Variants in FCHO2 observed in about 807,000 individuals in gnomAD.
FCHO2 encodes the protein F-BAR domain only protein 2.
FCHO2 carries 43 observed loss-of-function variants against 114.1 expected under a neutral mutation model. That is an observed-to-expected ratio of 0.38 (90% CI 0.30 to 0.49). The LOEUF (loss-of-function observed/expected upper bound fraction) is 0.49. FCHO2 is among the 20% of genes least tolerant of loss of function. The pLI is 0.97. For missense variants in FCHO2, 807 were observed against 950.4 expected, an observed-to-expected ratio of 0.85 and a Z score of 1.98; for synonymous variants, 293 against 315.2, an observed-to-expected ratio of 0.93 and a Z score of 0.75.
chr5:72,986,435 C>G (rs1753525592), intron 2 of FCHO2, among the ~76,000 whole-genome samples: 1 of 152,154 alleles, frequency 6.6e-6, no homozygotes, highest in African/African-American at 2.4e-5. Flanking sequence ...CTCTGTTTCA[C>G]TTCTCAACTG....
chr5:73,075,226 G>C (rs1276154841), intron 20 of FCHO2, among the ~76,000 whole-genome samples: 2 of 152,158 alleles, frequency 1.3e-5, no homozygotes, highest in Non-Finnish European at 2.9e-5. Context: ...CAGGGTTAGA[G>C]GCTAGAGAAT....
At chr5:73,051,716 G>A (rs577972212) in intron 12 of FCHO2, among the ~76,000 whole-genome samples, 36 of 151,646 alleles carry the variant, frequency 2.4e-4, no homozygotes, top group Non-Finnish European at 4.3e-4. Flanking sequence ...ACAGGCATGC[G>A]CACCATGCCT....
chr5:73,042,696 G>A (rs548996087), intron 11 of FCHO2, among the ~76,000 whole-genome samples: 2 of 152,260 alleles, frequency 1.3e-5, no homozygotes, highest in African/African-American at 2.4e-5. Flanking sequence ...TTTGCAAGAC[G>A]TGACAGGGGT....
chr5:73,060,363 T>C (rs1371459926), intron 17 of FCHO2, among the ~76,000 whole-genome samples: 1 of 152,108 alleles, frequency 6.6e-6, no homozygotes, highest in African/African-American at 2.4e-5. Flanking sequence ...TATCTTGTTA[T>C]ATAGTAGTTA....
At chr5:72,987,648 G>A (rs757892155) in intron 2 of FCHO2, among the ~76,000 whole-genome samples, 22 of 152,054 alleles carry the variant, frequency 1.4e-4, no homozygotes, top group Non-Finnish European at 2.8e-4. Context: ...GATTAGGGAT[G>A]TTTAATCTGT....
chr5:73,009,094 A>G (rs775864139), intron 6 of FCHO2, among the ~76,000 whole-genome samples: 3 of 152,232 alleles, frequency 2.0e-5, no homozygotes, highest in Non-Finnish European at 4.4e-5. Context: ...GAAAGAAGAA[A>G]ACTGGAAGTG....
intron 15 of FCHO2, chr5:73,055,111 T>C: frequency 2.7e-6 from 1 of 372,114 alleles, no homozygotes; most frequent in Non-Finnish European, 5.5e-6. Flanking sequence ...TTAAAAATTC[T>C]AACAGAGTTT....
At chr5:73,008,836 A>G (rs1489216233) in intron 6 of FCHO2, among the ~76,000 whole-genome samples, 1 of 152,242 alleles carries the variant, frequency 6.6e-6, no homozygotes, top group African/African-American at 2.4e-5. Context: ...TGGTAGTATT[A>G]TGAATGAGGT....
chr5:73,064,488 G>C (rs1335655897), intron 18 of FCHO2, among the ~76,000 whole-genome samples: 1 of 151,984 alleles, frequency 6.6e-6, no homozygotes, highest in Admixed American at 6.6e-5. Context: ...CAGTCTATTT[G>C]CCTTTGATCT....
intron 24 of FCHO2, among the ~76,000 whole-genome samples, chr5:73,083,841 T>C (rs970761906): frequency 1.4e-5 from 2 of 143,580 alleles, no homozygotes; most frequent in African/African-American, 5.2e-5. Flanking sequence ...TGCAGTGAGC[T>C]GAGATGGTGC....
chr5:73,002,764 G>T (rs1374058120), intron 5 of FCHO2, among the ~76,000 whole-genome samples: 1 of 152,152 alleles, frequency 6.6e-6, no homozygotes, highest in African/African-American at 2.4e-5. Context: ...CTAAATACAT[G>T]TTATTGTTTC....
At chr5:73,060,431 C>T (rs377719509) in intron 17 of FCHO2, among the ~76,000 whole-genome samples, 3 of 151,942 alleles carry the variant, frequency 2.0e-5, no homozygotes, top group African/African-American at 4.8e-5. Context: ...TTCATAATTG[C>T]GATTCTCCTG....
chr5:73,017,114 T>C, intron 7 of FCHO2, 98 bp from the exon 8 acceptor site: 1 of 711,860 alleles, frequency 1.4e-6, no homozygotes, highest in Non-Finnish European at 2.2e-6. Context: ...AAAATACATA[T>C]TTTGATATAA....
chr5:73,061,866 G>C lies in FCHO2; in HGVS notation c.1346-1975G>C, dbSNP rs187667243. Among the ~76,000 whole-genome samples the C allele has an allele frequency of 5.0e-4, 76 of 152,150 alleles. 1 individual carries two copies. The East Asian group carries it at 0.014, about 28-fold the overall frequency. On this transcript the variant is annotated intron_variant, in intron 17 of 25. Transcript: ENST00000430046. The stretch of plus-strand genomic sequence containing the variant: ...TCACAGTGACCTTTGCCTAATATTA[G>C]ATGTTTTGAAAATGTACCTGCAGAA...
intron 1 of FCHO2, among the ~76,000 whole-genome samples, chr5:72,965,439 A>C (rs1186862265): frequency 6.6e-6 from 1 of 152,254 alleles, no homozygotes; most frequent in African/African-American, 2.4e-5. Flanking sequence ...TGCAGTTGGA[A>C]AAAAGATACT....
chr5:72,977,604 C>T (rs572078419), intron 2 of FCHO2, among the ~76,000 whole-genome samples: 1 of 152,300 alleles, frequency 6.6e-6, no homozygotes, highest in East Asian at 1.9e-4. Context: ...TTTTGCTGTG[C>T]AGAAGCTCTT....
intron 25 of FCHO2, 29 bp downstream of exon 25, chr5:73,087,782 T>G (rs369148205): frequency 6.5e-7 from 1 of 1,537,906 alleles, no homozygotes; most frequent in Non-Finnish European, 8.7e-7. Flanking sequence ...AACTTTTTAA[T>G]GTACATGGGA....
rs377710416 is a variant in FCHO2 at position 73,049,304 on chromosome 5, A to C, written c.940-2045A>C. On this transcript the variant is annotated intron_variant, in intron 11 of 25. Transcript: ENST00000430046. ...GCTTCACCACACCACACCCCAAGAT[A>C]CACGTAGCCTTAACCTTTTATTTCT... Among the ~76,000 whole-genome samples the C allele has an allele frequency of 5.3e-5, 8 of 152,334 alleles. No homozygotes were observed. In the South Asian group the frequency reaches 1.7e-3, roughly 32 times the overall value.
intron 2 of FCHO2, among the ~76,000 whole-genome samples, chr5:72,971,834 G>T (rs1161709783): frequency 6.6e-6 from 1 of 152,158 alleles, no homozygotes; most frequent in African/African-American, 2.4e-5. Flanking sequence ...ATGGTTTTAG[G>T]TCGAACATTT....
Sources: gnomAD v4.1 joint callset for allele counts (sites outside exome capture counted in the v4.1 genomes callset) on GRCh38, gnomAD v4.1.1 for gene constraint, MANE v1.5 for transcripts, NCBI Gene and HGNC (gene_info 2026-07-23, HGNC 2026-07-21) for gene names.